Variants in MYT1L observed in about 807,000 individuals in gnomAD.
The protein encoded by MYT1L is myelin transcription factor 1-like protein.
Under a neutral mutation model 126.7 loss-of-function variants are expected in MYT1L, and 12 were observed. That is an observed-to-expected ratio of 0.09 (90% confidence interval 0.06 to 0.15). The LOEUF is 0.15. Ranked by LOEUF, MYT1L falls within the 10% of genes least tolerant of loss-of-function variation. The probability of loss-of-function intolerance (pLI) is 1.00; values close to 1 mark genes in which losing one functional copy is unlikely to be tolerated. For synonymous variants in MYT1L, 541 were observed against 604.2 expected (o/e 0.90, Z 1.53); for missense variants, 979 against 1,585.2 (o/e 0.62, Z 6.49).
chr2:1,992,270 G>A (rs142980328), intron 5 of MYT1L, among the ~76,000 whole-genome samples: 18 of 152,230 alleles, frequency 1.2e-4, no homozygotes, highest in South Asian at 4.1e-4. Flanking sequence ...CTTCCCTTCC[G>A]AAGCTTTAAA....
chr2:2,119,559 G>GA (rs2080695888), intron 3 of MYT1L, among the ~76,000 whole-genome samples: 1 of 152,152 alleles, frequency 6.6e-6, no homozygotes, highest in African/African-American at 2.4e-5. Flanking sequence ...TTTTCCGTAA[G>GA]AAAAAATTCA....
chr2:1,911,341 T>C (rs911434105), intron 12 of MYT1L, among the ~76,000 whole-genome samples: 4 of 152,084 alleles, frequency 2.6e-5, no homozygotes, highest in Non-Finnish European at 2.9e-5. Flanking sequence ...AACCATAGAC[T>C]GTAAGACAAA....
chr2:2,275,214 G>C (rs1456683324), intron 2 of MYT1L, among the ~76,000 whole-genome samples: 1 of 150,436 alleles, frequency 6.6e-6, no homozygotes, highest in Non-Finnish European at 1.5e-5. Flanking sequence ...GTGTGTGTGT[G>C]TGTGTGTGTG....
At chr2:1,871,588 T>C (rs1482155518) in intron 18 of MYT1L, among the ~76,000 whole-genome samples, 1 of 152,186 alleles carries the variant, frequency 6.6e-6, no homozygotes, top group East Asian at 1.9e-4. Flanking sequence ...CCCAGGTGGC[T>C]AGAGGGGTGA....
intron 2 of MYT1L, among the ~76,000 whole-genome samples, chr2:2,283,785 G>A (rs987281587): frequency 9.9e-5 from 15 of 152,150 alleles, no homozygotes; most frequent in African/African-American, 2.7e-4. Context: ...AAGGATGTGC[G>A]TCTATGGAAA....
At chr2:2,311,848 G>A (rs1400359078) in intron 1 of MYT1L, among the ~76,000 whole-genome samples, 4 of 152,192 alleles carry the variant, frequency 2.6e-5, no homozygotes, top group Non-Finnish European at 5.9e-5. Context: ...ATGAGGTAGT[G>A]TCACTGGCTT....
intron 2 of MYT1L, among the ~76,000 whole-genome samples, chr2:2,219,044 T>C (rs1272358954): frequency 2.0e-5 from 3 of 152,166 alleles, no homozygotes; most frequent in Non-Finnish European, 2.9e-5. Context: ...AAAATAAGAA[T>C]GTTTTCTACT....
chr2:2,002,337 A>G (rs560778646), intron 4 of MYT1L, among the ~76,000 whole-genome samples: 1 of 152,304 alleles, frequency 6.6e-6, no homozygotes, highest in African/African-American at 2.4e-5. Flanking sequence ...ATCACCACTT[A>G]TGGTAATAAG....
intron 2 of MYT1L, among the ~76,000 whole-genome samples, chr2:2,275,869 C>A (rs1013587018): frequency 2.0e-5 from 3 of 152,158 alleles, no homozygotes; most frequent in Non-Finnish European, 2.9e-5. Context: ...TTCTTGTCCT[C>A]AAGAGAAAGT....
intron 3 of MYT1L, among the ~76,000 whole-genome samples, chr2:2,153,110 C>A (rs2086086900): frequency 6.6e-6 from 1 of 152,056 alleles, no homozygotes; most frequent in South Asian, 2.1e-4. Flanking sequence ...CCAGCCTGGA[C>A]AAAATAGTGA....
intron 19 of MYT1L, chr2:1,841,972 C>T (rs1304351292): frequency 6.6e-6 from 1 of 152,200 alleles, no homozygotes; most frequent in East Asian, 1.9e-4. Flanking sequence ...GGAACAGAAA[C>T]ATACACACAC....
At chr2:2,014,579 C>G (rs2064180199) in intron 4 of MYT1L, among the ~76,000 whole-genome samples, 1 of 152,230 alleles carries the variant, frequency 6.6e-6, no homozygotes, top group Non-Finnish European at 1.5e-5. Context: ...GGCAGCTTCT[C>G]AGGAGCTCCA....
intron 3 of MYT1L, among the ~76,000 whole-genome samples, chr2:2,148,519 G>A (rs2085239102): frequency 6.6e-6 from 1 of 152,140 alleles, no homozygotes; most frequent in African/African-American, 2.4e-5. Flanking sequence ...TTTGGGGACA[G>A]GGGACACCTG....
intron 19 of MYT1L, 83 bp from the exon 20 acceptor site, chr2:1,840,926 CAG>C (rs1357000772): frequency 4.8e-6 from 4 of 840,796 alleles, no homozygotes; most frequent in Admixed American, 2.7e-5. Flanking sequence ...TTTTTTGAGA[CAG>C]AGTCTCACTC....
At chr2:2,064,146 C>A (rs1277699683) in intron 3 of MYT1L, among the ~76,000 whole-genome samples, 2 of 152,166 alleles carry the variant, frequency 1.3e-5, no homozygotes, top group African/African-American at 4.8e-5. Flanking sequence ...GAGAAAGGGG[C>A]TATAGAAAAT....
At chr2:2,143,912 G>A (rs79562766) in intron 3 of MYT1L, among the ~76,000 whole-genome samples, 2,170 of 149,054 alleles carry the variant, frequency 0.015, 23 homozygotes, top group Non-Finnish European at 0.025. Context: ...ATGAAACACC[G>A]GATACTCGTC....
In MYT1L at chr2:1,791,552, C is replaced by A; in HGVS notation, c.*315G>T. On this transcript the variant is annotated 3_prime_UTR_variant, in exon 25 of 25. Coordinates refer to ENST00000647738, the MANE Select transcript of MYT1L (RefSeq NM_001303052.2). This position sits in a 1 kb window ranked among gnomAD's most constrained non-coding sequence, Gnocchi z 6.0. ...ACTAAAGCATTAAAAAGAATTTACA[C>A]TCTATTTATTTTGATCAGCTTACCT... The A allele has an allele frequency of 2.8e-6, 1 of 356,298 alleles. No homozygotes were observed. The allele number at this position is 356,298 out of a possible 1,614,324, so 22.1% of individuals were successfully genotyped here. A position where few individuals can be genotyped will look rare whatever the true frequency, so the allele number is the denominator to read the frequency against.
intron 2 of MYT1L, among the ~76,000 whole-genome samples, chr2:2,260,655 TTA>T (rs1263816803): frequency 6.7e-6 from 1 of 149,570 alleles, no homozygotes; most frequent in African/African-American, 2.5e-5. Flanking sequence ...TGCTGGTGAA[TTA>T]TTTTTTTTTT....
chr2:2,013,637 T>C (rs868614424), intron 4 of MYT1L, among the ~76,000 whole-genome samples: 9 of 152,236 alleles, frequency 5.9e-5, no homozygotes, highest in South Asian at 2.1e-4. Context: ...CTTCAGATCA[T>C]GTGCTGCTCT....
Sources: allele counts gnomAD v4.1 joint callset (sites outside exome capture counted in the v4.1 genomes callset), GRCh38; gene constraint gnomAD v4.1.1; non-coding constraint Gnocchi (gnomAD v3.1); transcripts MANE v1.5; gene names NCBI Gene and HGNC (gene_info 2026-07-23, HGNC 2026-07-21).